SLC35F3: variants seen among roughly 807,000 people sequenced by gnomAD.
SLC35F3 encodes solute carrier family 35 member F3, also known as putative thiamine transporter SLC35F3.
A neutral mutation model predicts 49.9 loss-of-function variants in SLC35F3; 25 were observed. The ratio of observed to expected loss-of-function variants is 0.50; its 90% CI spans 0.37 to 0.70. The LOEUF (loss-of-function observed/expected upper bound fraction) is 0.70, where lower values mean the gene tolerates loss of function less well. Among genes scored for constraint, SLC35F3 ranks in the 30% least tolerant of loss-of-function variants. The probability of loss-of-function intolerance (pLI) is 0.00; values close to 1 mark genes in which losing one functional copy is unlikely to be tolerated. For synonymous variants in SLC35F3, 275 were observed against 265.4 expected, an observed-to-expected ratio of 1.04 and a Z score of -0.35; for missense variants, 525 against 639.8, an observed-to-expected ratio of 0.82 and a Z score of 1.94.
chr1:234,138,788 T>G (rs1665846234), intron 2 of SLC35F3, among the ~76,000 whole-genome samples: 1 of 152,180 alleles, frequency 6.6e-6, no homozygotes, highest in African/African-American at 2.4e-5. Context: ...TGGCATCAAG[T>G]GATTCTTCCT....
intron 2 of SLC35F3, among the ~76,000 whole-genome samples, chr1:234,106,113 T>G (rs1053752286): frequency 6.6e-5 from 10 of 152,224 alleles, no homozygotes; most frequent in African/African-American, 2.4e-4. Context: ...CTGAAGGACA[T>G]ACTCCCGAAA....
At chr1:234,286,808 G>T (rs1333350236) in intron 3 of SLC35F3, among the ~76,000 whole-genome samples, 1 of 152,190 alleles carries the variant, frequency 6.6e-6, no homozygotes, top group African/African-American at 2.4e-5. Flanking sequence ...CTTCTGTCAC[G>T]ACATGACAAA....
chr1:233,987,206 C>T (rs1203826819), intron 2 of SLC35F3, among the ~76,000 whole-genome samples: 1 of 152,196 alleles, frequency 6.6e-6, no homozygotes, highest in African/African-American at 2.4e-5. Context: ...ACAAGAATCA[C>T]TTGAGCTGGG....
intron 2 of SLC35F3, among the ~76,000 whole-genome samples, chr1:234,035,230 C>T (rs1299229407): frequency 6.6e-6 from 1 of 152,126 alleles, no homozygotes; most frequent in African/African-American, 2.4e-5. Flanking sequence ...ACATCTGAAC[C>T]TTTCTTTAAT....
chr1:234,269,468 C>A (rs927219), intron 3 of SLC35F3, among the ~76,000 whole-genome samples: 29,887 of 152,092 alleles, frequency 0.2, 3,130 homozygotes, highest in Non-Finnish European at 0.24. Context: ...GTCACTGTCC[C>A]TCCTTCCTGC....
At chr1:234,067,507 T>C (rs1466983010) in intron 2 of SLC35F3, among the ~76,000 whole-genome samples, 1 of 152,234 alleles carries the variant, frequency 6.6e-6, no homozygotes, top group Non-Finnish European at 1.5e-5. Context: ...TGACTCTGAC[T>C]CTGGGCTTGA....
intron 2 of SLC35F3, among the ~76,000 whole-genome samples, chr1:233,981,741 A>G (rs554817126): frequency 2.0e-5 from 3 of 152,178 alleles, no homozygotes; most frequent in South Asian, 2.1e-4. Flanking sequence ...AGAAACTGCC[A>G]AAGTGTTTTT....
At chr1:234,106,213 A>G (rs1460132592) in intron 2 of SLC35F3, among the ~76,000 whole-genome samples, 5 of 152,194 alleles carry the variant, frequency 3.3e-5, no homozygotes, top group East Asian at 1.9e-4. Context: ...TTTGCCAGCT[A>G]TTGGTCTAGA....
chr1:233,912,447 A>G (rs1489798565), intron 2 of SLC35F3, among the ~76,000 whole-genome samples: 1 of 152,208 alleles, frequency 6.6e-6, no homozygotes, highest in Admixed American at 6.5e-5. Flanking sequence ...ACTGCACTCC[A>G]TCCTGGGCGA....
intron 2 of SLC35F3, among the ~76,000 whole-genome samples, chr1:233,906,714 T>C (rs1178384514): frequency 2.0e-5 from 3 of 152,164 alleles, no homozygotes; most frequent in Admixed American, 1.3e-4. Flanking sequence ...TTTATTGGTC[T>C]TTAAGGGGAA....
intron 2 of SLC35F3, among the ~76,000 whole-genome samples, chr1:234,023,563 T>C (rs568844134): frequency 3.3e-5 from 5 of 152,100 alleles, no homozygotes; most frequent in Non-Finnish European, 5.9e-5. Flanking sequence ...ATAACTTAGA[T>C]AGACACTCCA....
At chr1:234,023,998 A>G (rs1663938917) in intron 2 of SLC35F3, among the ~76,000 whole-genome samples, 1 of 152,098 alleles carries the variant, frequency 6.6e-6, no homozygotes, top group African/African-American at 2.4e-5. Flanking sequence ...GGGATCCTCA[A>G]ACAGAAAAAG....
chr1:234,059,197 T>A (rs908842847), intron 2 of SLC35F3, among the ~76,000 whole-genome samples: 1 of 152,110 alleles, frequency 6.6e-6, no homozygotes, highest in Non-Finnish European at 1.5e-5. Context: ...TAATCTTAAT[T>A]TCTTCCTCCT....
chr1:234,066,879 T>C, intron 2 of SLC35F3, among the ~76,000 whole-genome samples: 1 of 145,590 alleles, frequency 6.9e-6, no homozygotes, highest in Middle Eastern at 3.4e-3. Context: ...CACACACAAT[T>C]ATATTAAAAT....
chr1:234,308,956 TAGAA>T (rs976401080), intron 3 of SLC35F3, 141 bp from the exon 4 acceptor site: 1 of 628,484 alleles, frequency 1.6e-6, no homozygotes, highest in Admixed American at 3.0e-5. Context: ...AGGGCTTTAA[TAGAA>T]AGATGTTTAT....
chr1:234,256,354 C>T (rs905328474), intron 3 of SLC35F3, among the ~76,000 whole-genome samples: 2 of 152,186 alleles, frequency 1.3e-5, no homozygotes, highest in Non-Finnish European at 2.9e-5. Flanking sequence ...CAGACCTCCT[C>T]TTGGCCAAGA....
At chr1:233,949,882 G>C (rs565409845) in intron 2 of SLC35F3, among the ~76,000 whole-genome samples, 1 of 152,256 alleles carries the variant, frequency 6.6e-6, no homozygotes, top group African/African-American at 2.4e-5. Context: ...AGACCCAAAA[G>C]CCGTACTTCA....
Position 234,178,080 on chromosome 1 carries a change from C to T in SLC35F3, c.284-53337C>T, listed in dbSNP as rs567967160. On this transcript the variant is annotated intron_variant, in intron 2 of 7. Coordinates refer to ENST00000366618, the MANE Select transcript of SLC35F3 (RefSeq NM_173508.4). The stretch of plus-strand genomic sequence containing the variant: ...AAAATGAGATTCTGGAAACTTGTTC[C>T]AAAAGAGGAATAAAAGTGTTAGAAC... Among the ~76,000 whole-genome samples the T allele has an allele frequency of 3.5e-4, 54 of 152,202 alleles. No homozygotes were observed. In the South Asian group the frequency reaches 7.9e-3, roughly 22 times the overall value.
intron 6 of SLC35F3, among the ~76,000 whole-genome samples, 185 bp downstream of exon 6, chr1:234,319,128 G>C (rs889627633): frequency 3.9e-5 from 6 of 152,174 alleles, no homozygotes; most frequent in Admixed American, 6.5e-5. Flanking sequence ...GAATTCCAGA[G>C]CCAGAATCAG....
Sources: allele counts gnomAD v4.1 joint callset (sites outside exome capture counted in the v4.1 genomes callset), GRCh38; gene constraint gnomAD v4.1.1; transcripts MANE v1.5; gene names NCBI Gene and HGNC (gene_info 2026-07-23, HGNC 2026-07-21).